The following TTN variants were observed in gnomAD, a reference collection of about 807,000 sequenced individuals.
The protein encoded by TTN is connectin.
In TTN, 1,525 loss-of-function variants were observed where a neutral mutation model predicts 3,223.0. The observed-to-expected ratio is 0.47, with a 90% CI of 0.45 to 0.49. The LOEUF (loss-of-function observed/expected upper bound fraction) is 0.49, where lower values mean the gene tolerates loss of function less well. Among genes scored for constraint, TTN ranks in the 20% least tolerant of loss-of-function variants. TTN has a pLI of 0.00. For missense variants in TTN, 40,786 were observed against 43,424.0 expected, an observed-to-expected ratio of 0.94 and a Z score of 5.40; for synonymous variants, 14,094 against 15,161.0, an observed-to-expected ratio of 0.93 and a Z score of 5.17.
rs1320109103 is a variant in TTN, at chr2:178,689,802, A to G, written c.31846+11T>C. ...ATAAAAGATAGGGCTTTACGTCGAA[A>G]GCCACTGTACCTTTAGCTGGGGGAG... On this transcript the variant is annotated intron_variant, in intron 122 of 362. Coordinates refer to ENST00000589042, the MANE Select transcript of TTN (RefSeq NM_001267550.2). 2 of 1,594,646 alleles carry G rather than the reference A, an allele frequency of 1.3e-6. No homozygotes were observed. Among genetic ancestry groups the G allele is most frequent in the Admixed American group, 1.8e-5 (1 of 54,592 alleles).
chr2:178,641,300 G>C lies in TTN; in HGVS notation c.40574C>G (p.Pro13525Arg), dbSNP rs868031591. 4 of 1,497,676 alleles carry C rather than the reference G, an allele frequency of 2.7e-6. No individual in the cohort carries two copies. The highest frequency in any genetic ancestry group is 3.6e-6 in the Non-Finnish European group (4 of 1,122,938). The allele number at this position is 1,497,676 out of a possible 1,614,324, so 92.8% of individuals were successfully genotyped here. Residue 13525 changes from proline to arginine, a missense_variant, in exon 220 of 363, where the codon CCT becomes CGT. Transcript: ENST00000589042. ...VVLKSVLRKR[P>R]EEEEPKVEPK... ...TTCTACTTTAGGTTCTTCTTCTTCAGGTCTTTTTCTTAGAACTTTAAAGAC... is the reference window on the plus strand; with the variant it reads ...TTCTACTTTAGGTTCTTCTTCTTCACGTCTTTTTCTTAGAACTTTAAAGAC...
At chr2:178,622,420 C>G (rs1246016934) in intron 243 of TTN, among the ~76,000 whole-genome samples, 3 of 151,826 alleles carry the variant, frequency 2.0e-5, no homozygotes, top group Admixed American at 2.0e-4. Flanking sequence ...GAAAACAGCA[C>G]TTTCATATGG....
chr2:178,671,218 T>A lies in TTN; in HGVS notation c.35228-48A>T, dbSNP rs147402106. ...GTTTAGAATGAACTCTTGAAGTATT[T>A]TGGAGCACTACTACTAACGTTAGTA... On this transcript the variant is annotated intron_variant, in intron 155 of 362. Transcript: ENST00000589042. 12 of 1,429,248 alleles carry A rather than the reference T, an allele frequency of 8.4e-6. No individual in the cohort carries two copies. In the African/African-American group the frequency reaches 1.3e-4, roughly 16 times the overall value. 88.5% of individuals were successfully genotyped at this position (1,429,248 alleles called of 1,614,324 possible).
rs1371471381 is a variant in TTN at position 178,578,125 on chromosome 2, G to A, written c.68390C>T (p.Pro22797Leu). 4.3e-6 allele frequency: 7 copies of A among 1,613,056 alleles called. No individual in the cohort carries two copies. The highest frequency in any genetic ancestry group is 2.2e-5 in the East Asian group (1 of 44,774). ...CACTTTAAAGTCTCTCATCCTTATCGGAGTCTTGTTAGCTCTCTTCCACAA... is the reference window on the plus strand; with the variant it reads ...CACTTTAAAGTCTCTCATCCTTATCAGAGTCTTGTTAGCTCTCTTCCACAA... ...SLLWKRANKT[P>L]IRMRDFKVTG... The change falls in exon 322 of 363, where the codon CCG becomes CTG. Residue 22797 changes from proline to leucine, a missense_variant. Transcript: ENST00000589042.
intron 313 of TTN, 100 bp downstream of exon 313, chr2:178,582,840 A>C (rs1025810629): frequency 5.4e-5 from 60 of 1,100,950 alleles, no homozygotes; most frequent in Non-Finnish European, 7.2e-5. Context: ...GGAAATACAC[A>C]TTAGAATATG....
rs2063167389 is a variant in TTN at position 178,652,358 on chromosome 2, A to G, written c.39128-11T>C. 4 of 1,613,526 alleles carry G rather than the reference A, an allele frequency of 2.5e-6. No individual in the cohort carries two copies. Among genetic ancestry groups the G allele is most frequent in the Admixed American group, 1.7e-5 (1 of 59,954 alleles). On this transcript the variant is annotated splice_polypyrimidine_tract_variant and intron_variant, in intron 202 of 362. Transcript: ENST00000589042. ...TGGGAGCCTCAGGCACTTGAAAGATAATAGTGAAATTACATTTAGGCATTA... is the reference window on the plus strand; with the variant it reads ...TGGGAGCCTCAGGCACTTGAAAGATGATAGTGAAATTACATTTAGGCATTA...
In TTN at chr2:178,713,273, G is replaced by A. The variant is rs752903252; in HGVS notation, c.26861C>T (p.Pro8954Leu). The change falls in exon 93 of 363, where the codon CCA becomes CTA. Residue 8954 changes from proline to leucine, a missense_variant. By Grantham distance (98) the Pro-to-Leu change is moderately conservative. Coordinates refer to ENST00000589042, the MANE Select transcript of TTN (RefSeq NM_001267550.2). Reference sequence around the variant, plus strand: ...TTCATGGAACCAGGAGACAGAGATTGGAGGTGACCCATAGACTTTACACTC... The same window carrying A: ...TTCATGGAACCAGGAGACAGAGATTAGAGGTGACCCATAGACTTTACACTC... Reference protein sequence around the residue: ...VMECKVYGSPPISVSWFHEGN... With the variant: ...VMECKVYGSPLISVSWFHEGN... The A allele has an allele frequency of 2.5e-6, 4 of 1,610,496 alleles. No individual in the cohort carries two copies. The East Asian group carries it at 6.7e-5, about 27-fold the overall frequency.
chr2:178,739,060 T>C (rs758274694), intron 48 of TTN, 81 bp downstream of exon 48: 117 of 1,415,400 alleles, frequency 8.3e-5, no homozygotes, highest in Non-Finnish European at 1.0e-4. Context: ...GGCAGATAAG[T>C]GAAAATTTAA....
rs751613786 is a variant in TTN at position 178,724,080 on chromosome 2, G to A, written c.21179C>T (p.Ser7060Phe). 1 of 1,613,326 alleles carries A rather than the reference G, an allele frequency of 6.2e-7. No individual in the cohort carries two copies. Among genetic ancestry groups the A allele is most frequent in the African/African-American group, 1.3e-5 (1 of 74,908 alleles). ...AGCTACTTTGCATTCCAAGATGCAA[G>A]AAGCACCTAACACCCCACCAGTATT... ...LKNTGGVLGASCILECKVAGS... is the reference protein window; with the variant it reads ...LKNTGGVLGAFCILECKVAGS... Residue 7060 changes from serine (S) to phenylalanine (F), a missense_variant, in exon 73 of 363, where the codon TCT (serine) becomes TTT (phenylalanine). Physicochemically the swap from Ser to Phe is radical, Grantham distance 155. Coordinates refer to ENST00000589042, the MANE Select transcript of TTN (RefSeq NM_001267550.2).
At chr2:178,747,871 T>A (rs2084116504) in intron 47 of TTN, 1 of 1,613,032 alleles carries the variant, frequency 6.2e-7, no homozygotes, top group African/African-American at 1.3e-5. Context: ...TTTGTTCACC[T>A]GGATTCTGTT....
intron 98 of TTN, 129 bp downstream of exon 98, chr2:178,710,506 T>A: frequency 8.5e-7 from 1 of 1,172,442 alleles, no homozygotes; most frequent in Non-Finnish European, 1.2e-6. Context: ...ACTTATTTCC[T>A]CTTAAACATT....
Position 178,768,907 on chromosome 2 carries a change from C to T in TTN, c.8929G>A (p.Asp2977Asn). The change falls in exon 38 of 363, where the codon GAC becomes AAC. Residue 2977 changes from aspartate to asparagine, a missense_variant. Transcript: ENST00000589042. ...GTGTCTTTTTCTTCAGCGTTGATGTCTTTCAGCATGGAAGTAATCATGATT... is the reference window on the plus strand; with the variant it reads ...GTGTCTTTTTCTTCAGCGTTGATGTTTTTCAGCATGGAAGTAATCATGATT... ...TPIMITSMLK[D>N]INAEEKDTIT... is the part of the protein sequence containing the mutation. The T allele has an allele frequency of 6.2e-7, 1 of 1,613,830 alleles. No homozygotes were observed. The highest frequency in any genetic ancestry group is 2.2e-5 in the East Asian group (1 of 44,798).
rs1430626977 is a variant in TTN at position 178,620,561 on chromosome 2, T to G, written c.45960A>C (p.Thr15320=). The G allele has an allele frequency of 1.9e-6, 3 of 1,611,776 alleles. No individual in the cohort carries two copies. ...DIETMEKKSV[T]FWCKVNRLNV... is the part of the protein sequence containing the mutation. ...TGAGACGATTCACCTTGCACCAGAA[T>G]GTGACAGATTTCTTCTCCATTGTTT... Residue 15320 remains threonine (T), a synonymous_variant, in exon 248 of 363, where the codon ACA becomes ACC. Coordinates refer to ENST00000589042, the MANE Select transcript of TTN (RefSeq NM_001267550.2).
chr2:178,665,267 T>C, intron 165 of TTN, 110 bp downstream of exon 165: 1 of 1,074,286 alleles, frequency 9.3e-7, no homozygotes, highest in Non-Finnish European at 1.4e-6. Context: ...ACTTAAAAGA[T>C]ATTAGTATGT....
chr2:178,725,110 A>G (rs1274479926), intron 71 of TTN: 7 of 369,740 alleles, frequency 1.9e-5, no homozygotes, highest in Non-Finnish European at 3.3e-5. Context: ...ATGCTTAATC[A>G]AAGAGAGTCA....
At chr2:178,699,063 G>A (rs1008498368) in intron 111 of TTN, 149 bp from the exon 112 acceptor site, 10 of 911,570 alleles carry the variant, frequency 1.1e-5, no homozygotes, top group African/African-American at 3.4e-5. Flanking sequence ...CAAGATATTT[G>A]TTTTGGAAAG....
intron 142 of TTN, 137 bp downstream of exon 142, chr2:178,679,202 T>C (rs2068760097): frequency 2.4e-6 from 2 of 846,320 alleles, no homozygotes; most frequent in South Asian, 1.6e-5. Context: ...AAACTGCTCC[T>C]GTGGCCAGTT....
At position 178,807,283 on chromosome 2, in the gene TTN, G is replaced by C. The variant is rs1575064600; in HGVS notation, c.-85C>G. The C allele has an allele frequency of 6.6e-6, 1 of 152,174 alleles. No individual in the cohort carries two copies. Among genetic ancestry groups the C allele is most frequent in the Non-Finnish European group, 1.5e-5 (1 of 68,018 alleles). 9.4% of individuals were successfully genotyped at this position (152,174 alleles called of 1,614,324 possible). On this transcript the variant is annotated 5_prime_UTR_variant, in exon 1 of 363. Coordinates refer to ENST00000589042, the MANE Select transcript of TTN (RefSeq NM_001267550.2). The stretch of plus-strand genomic sequence containing the variant: ...TGCTTCTGAAACGACGTCCTATGGA[G>C]AGTTGGTTTTTCTGACCATCTCCGA...
chr2:178,782,713 C>T (rs556491964), intron 18 of TTN, 93 bp downstream of exon 18: 8 of 1,607,152 alleles, frequency 5.0e-6, no homozygotes, highest in East Asian at 2.2e-5. Flanking sequence ...AAAGGGACAT[C>T]ATTTCAAGGT....
Sources: gnomAD v4.1 joint callset for allele counts (sites outside exome capture counted in the v4.1 genomes callset) on GRCh38, gnomAD v4.1.1 for gene constraint, MANE v1.5 for transcripts, NCBI Gene and HGNC (gene_info 2026-07-23, HGNC 2026-07-21) for gene names.